BTRC: variants seen among roughly 807,000 people sequenced by gnomAD.
BTRC encodes the protein F-box/WD repeat-containing protein 1A.
A neutral mutation model predicts 85.5 loss-of-function variants in BTRC; 42 were observed. The ratio of observed to expected loss-of-function variants is 0.49; its 90% CI spans 0.38 to 0.64. The LOEUF is 0.64. Among genes scored for constraint, BTRC ranks in the 30% least tolerant of loss-of-function variants. The pLI is 0.00. For missense variants in BTRC, 594 were observed against 743.5 expected (o/e 0.80, Z 2.34); for synonymous variants, 255 against 263.3 (o/e 0.97, Z 0.30).
Position 101,556,145 on chromosome 10 carries a change from C to T in BTRC, c.*3022C>T, listed in dbSNP as rs144643304. The stretch of plus-strand genomic sequence containing the variant: ...AAGTCTGGCCCTCATAACTTGTTTC[C>T]GAACTAGAAAAGTCTGTGAGACCCC... On this transcript the variant is annotated 3_prime_UTR_variant, in exon 15 of 15. Coordinates refer to ENST00000370187, the MANE Select transcript of BTRC (RefSeq NM_033637.4). 2.6e-5 allele frequency: 4 copies of T among 152,236 alleles called. No homozygotes were observed. The highest frequency in any genetic ancestry group is 3.9e-4 in the East Asian group (2 of 5,190). The allele number at this position is 152,236 out of a possible 1,614,324, so 9.4% of individuals were successfully genotyped here.
At chr10:101,373,047 T>C (rs574232520) in intron 1 of BTRC, among the ~76,000 whole-genome samples, 7 of 152,306 alleles carry the variant, frequency 4.6e-5, no homozygotes, top group African/African-American at 1.7e-4. Context: ...TTAGAGGTCT[T>C]TATATATCTT....
chr10:101,544,386 A>C (rs1342256374), intron 13 of BTRC, among the ~76,000 whole-genome samples: 2 of 146,050 alleles, frequency 1.4e-5, no homozygotes, highest in African/African-American at 5.1e-5. Context: ...AAATACTTTC[A>C]CTTGTTGTTT....
chr10:101,488,568 T>G (rs538858221), intron 4 of BTRC, among the ~76,000 whole-genome samples: 60 of 152,278 alleles, frequency 3.9e-4, no homozygotes, highest in South Asian at 6.2e-4. Context: ...CCAAATCAGC[T>G]TCTGTTTCCT....
At chr10:101,354,443 A>G (rs1183539864) in intron 1 of BTRC, 2 of 560,818 alleles carry the variant, frequency 3.6e-6, no homozygotes, top group East Asian at 6.8e-5. Flanking sequence ...CATCTTGTGG[A>G]TGAGAGGCCA....
At chr10:101,441,267 A>C (rs1056714046) in intron 2 of BTRC, among the ~76,000 whole-genome samples, 1 of 152,228 alleles carries the variant, frequency 6.6e-6, no homozygotes, top group Admixed American at 6.5e-5. Flanking sequence ...ATTTCTTCTT[A>C]TGTATTATGC....
chr10:101,517,367 G>A (rs1165433004), intron 4 of BTRC, among the ~76,000 whole-genome samples: 1 of 152,218 alleles, frequency 6.6e-6, no homozygotes, highest in African/African-American at 2.4e-5. Flanking sequence ...CAGGGCTGCA[G>A]TGAGCTATGA....
rs190147449 is a variant in BTRC at position 101,456,869 on chromosome 10, T to C, written c.157-5112T>C. Among the ~76,000 whole-genome samples, 445 of 152,342 alleles carry C rather than the reference T, an allele frequency of 2.9e-3. 4 individuals are homozygous for C. Among genetic ancestry groups the C allele is most frequent in the Admixed American group, 0.021 (316 of 15,296 alleles). On this transcript the variant is annotated intron_variant, in intron 2 of 14. Coordinates refer to ENST00000370187, the MANE Select transcript of BTRC (RefSeq NM_033637.4). ...AAAGGTAACAAGTTGTGCACTGGGCTAAGAAATAAATATTTGAGTTAATAT... is the reference window on the plus strand; with the variant it reads ...AAAGGTAACAAGTTGTGCACTGGGCCAAGAAATAAATATTTGAGTTAATAT...
At chr10:101,414,655 G>A (rs768529193) in intron 1 of BTRC, 20 of 517,906 alleles carry the variant, frequency 3.9e-5, no homozygotes, top group African/African-American at 3.9e-4. Context: ...TGCTCCCAAA[G>A]ACCTTCCAGT....
chr10:101,548,445 T>C (rs1206514952), intron 13 of BTRC, among the ~76,000 whole-genome samples: 1 of 152,192 alleles, frequency 6.6e-6, no homozygotes, highest in Non-Finnish European at 1.5e-5. Context: ...AATCTTATAA[T>C]GTTGACTAAA....
chr10:101,515,316 T>C (rs2062009001), intron 4 of BTRC, among the ~76,000 whole-genome samples: 1 of 151,978 alleles, frequency 6.6e-6, no homozygotes, highest in African/African-American at 2.4e-5. Context: ...TCTTTACAAA[T>C]TTTAGAATCA....
chr10:101,435,151 T>C (rs1417023826), intron 2 of BTRC, among the ~76,000 whole-genome samples: 2 of 152,154 alleles, frequency 1.3e-5, no homozygotes, highest in African/African-American at 4.8e-5. Context: ...CCTTCTGGTT[T>C]AGGTTTTATT....
chr10:101,372,241 G>GTTTTCT (rs567588612), intron 1 of BTRC, among the ~76,000 whole-genome samples: 24 of 149,184 alleles, frequency 1.6e-4, no homozygotes, highest in South Asian at 8.6e-4. Context: ...GGCCTTTTGC[G>GTTTTCT]TTTTCTTTTT....
intron 1 of BTRC, chr10:101,364,842 C>T (rs1436054193): frequency 6.8e-6 from 1 of 147,982 alleles, no homozygotes; most frequent in African/African-American, 2.5e-5. Flanking sequence ...TTTGTATCCC[C>T]GGAGCGAGTG....
chr10:101,428,448 CAG>C (rs1190295280), intron 1 of BTRC, among the ~76,000 whole-genome samples: 2 of 152,182 alleles, frequency 1.3e-5, no homozygotes, highest in African/African-American at 4.8e-5. Context: ...ACGTTGAAAA[CAG>C]TGAACAAAGT....
chr10:101,459,255 G>C (rs1196752755), intron 2 of BTRC, among the ~76,000 whole-genome samples: 1 of 152,160 alleles, frequency 6.6e-6, no homozygotes. Context: ...AGGAATAACT[G>C]TGTTGCTGAG....
At chr10:101,437,652 A>G (rs1416959811) in intron 2 of BTRC, among the ~76,000 whole-genome samples, 3 of 152,150 alleles carry the variant, frequency 2.0e-5, no homozygotes, top group Non-Finnish European at 4.4e-5. Flanking sequence ...GGTAATACTG[A>G]TTTTGGTCAC....
At chr10:101,550,514 C>T (rs2062632629) in intron 13 of BTRC, among the ~76,000 whole-genome samples, 185 bp from the exon 14 acceptor site, 1 of 152,080 alleles carries the variant, frequency 6.6e-6, no homozygotes, top group African/African-American at 2.4e-5. Flanking sequence ...GATCTCCTGA[C>T]CTCGTGATCC....
At chr10:101,377,996 A>C (rs1285677224) in intron 1 of BTRC, among the ~76,000 whole-genome samples, 1 of 152,108 alleles carries the variant, frequency 6.6e-6, no homozygotes, top group Non-Finnish European at 1.5e-5. Context: ...GAAATAAGTG[A>C]GAAACGCTTA....
chr10:101,438,217 G>A (rs545749327), intron 2 of BTRC, among the ~76,000 whole-genome samples: 5 of 151,868 alleles, frequency 3.3e-5, no homozygotes, highest in Non-Finnish European at 7.4e-5. Context: ...ACAAAGTCAG[G>A]AGATTGAGAC....
Sources: allele counts gnomAD v4.1 joint callset (sites outside exome capture counted in the v4.1 genomes callset), GRCh38; gene constraint gnomAD v4.1.1; transcripts MANE v1.5; gene names NCBI Gene and HGNC (gene_info 2026-07-23, HGNC 2026-07-21).